Variants in RPL31 observed in about 807,000 individuals in gnomAD.
RPL31 encodes the protein ribosomal protein L31.
For missense variants in RPL31, 95 were observed against 164.0 expected, an observed-to-expected ratio of 0.58 and a Z score of 2.30; for synonymous variants, 51 against 55.0, an observed-to-expected ratio of 0.93 and a Z score of 0.32.
downstream of RPL31, chr2:101,010,921 G>A: frequency 6.3e-7 from 1 of 1,598,686 alleles, no homozygotes; most frequent in Non-Finnish European, 8.5e-7. Context: ...ACTGAAGAAA[G>A]TCCATACCTG....
chr2:101,010,896 A>AGTT (rs1473785342), downstream of RPL31: 6 of 1,562,888 alleles, frequency 3.8e-6, no homozygotes, highest in Admixed American at 5.4e-5. Context: ...AAAAAAAAAA[A>AGTT]AGTTAATTCT....
chr2:101,018,146 A>G lies in RPL31; in HGVS notation c.347-852A>G. The G allele has an allele frequency of 5.9e-6, 3 of 507,722 alleles. No homozygotes were observed. The South Asian group carries it at 9.3e-5, about 16-fold the overall frequency. The allele number at this position is 507,722 out of a possible 1,614,324, so 31.5% of individuals were successfully genotyped here. On this transcript the variant is annotated intron_variant, in intron 4 of 4. Transcript: ENST00000409028. ...TTTCAGAATAACAAAGCTTTCCCTC[A>G]TTCATACAGATATTGCTGTACTAAT...
intron 1 of RPL31, 82 bp downstream of exon 1, chr2:101,002,397 C>A: frequency 2.5e-6 from 1 of 395,286 alleles, no homozygotes; most frequent in Non-Finnish European, 4.7e-6. Context: ...ACCGCAAAAT[C>A]TCTCCCGAGC....
rs189925316 is a variant in RPL31 at position 101,002,417 on chromosome 2, G to A, written c.-1+102G>A. On this transcript the variant is annotated intron_variant, in intron 1 of 4. Transcript: ENST00000264258. ...AAAATCTCTCCCGAGCCAGCCCGGG[G>A]CTCCGGTTGTGGGGAGATGGGAATA... is the stretch of plus-strand genomic sequence containing the variant. The A allele has an allele frequency of 1.6e-5, 7 of 433,068 alleles. No individual in the cohort carries two copies. In the East Asian group the frequency reaches 1.7e-4, roughly 11 times the overall value. 26.8% of individuals were successfully genotyped at this position (433,068 alleles called of 1,614,324 possible). A position where few individuals can be genotyped will look rare whatever the true frequency, so the allele number is the denominator to read the frequency against.
chr2:101,014,197 GTTT>G lies in RPL31; in HGVS notation c.347-4791_347-4789del, dbSNP rs113766146. 1.4e-4 allele frequency among the ~76,000 whole-genome samples: 20 copies of G among 144,428 alleles called. 1 individual carries two copies. The highest frequency in any genetic ancestry group is 5.0e-4 in the African/African-American group (20 of 39,674). The allele number at this position is 144,428 out of a possible 152,430, so 94.8% of individuals were successfully genotyped here. On this transcript the variant is annotated intron_variant, in intron 4 of 4. Transcript: ENST00000409028. ...GAGGCAGTCTTTTAATTTCGCAAAA[GTTT>G]TTTTTTTTTCAAGGAAGTTTATATT...
intron 3 of RPL31, chr2:101,005,093 G>GCTCTTCTGTGGGTGGACATT (rs1678671344): frequency 6.6e-6 from 1 of 152,558 alleles, no homozygotes; most frequent in Non-Finnish European, 1.5e-5. Context: ...GGGTGCAGCA[G>GCTCTTCTGTGGGTGGACATT]GAGAGGTGTC....
chr2:101,007,466 G>A (rs527485596), downstream of RPL31, among the ~76,000 whole-genome samples: 26 of 152,326 alleles, frequency 1.7e-4, no homozygotes, highest in East Asian at 4.8e-3. Context: ...CACTCCAAGT[G>A]AAAAATGAAA....
intron 2 of RPL31, among the ~76,000 whole-genome samples, chr2:101,003,827 A>C (rs997143075): frequency 4.6e-5 from 7 of 152,192 alleles, no homozygotes; most frequent in African/African-American, 1.7e-4. Context: ...TAGTATTTTG[A>C]TTGAGGACTT....
downstream of RPL31, chr2:101,007,641 CAA>C (rs1280951056): frequency 4.6e-6 from 3 of 645,262 alleles, no homozygotes; most frequent in African/African-American, 5.5e-5. Context: ...TGACAATTCT[CAA>C]TACATAGAAA....
rs11551493 is a variant in RPL31, at chr2:101,002,752, C to T, written c.51C>T (p.Ile17=). The change falls in exon 2 of 5, where the codon ATC becomes ATT. Residue 17 remains isoleucine, a synonymous_variant. Coordinates refer to ENST00000264258, the MANE Select transcript of RPL31 (RefSeq NM_000993.5). ...GGEKKKGRSA[I]NEVVTREYTI... is the part of the protein sequence containing the mutation. ...AGAAGAAAAAGGGCCGTTCTGCCAT[C>T]AACGAAGTGGTAACCCGAGAATACA... The T allele has an allele frequency of 1.1e-5, 18 of 1,614,182 alleles. No individual in the cohort carries two copies. Among genetic ancestry groups the T allele is most frequent in the Non-Finnish European group, 1.5e-5 (18 of 1,180,022 alleles).
downstream of RPL31, chr2:101,011,136 A>G: frequency 1.9e-6 from 2 of 1,030,120 alleles, no homozygotes; most frequent in Non-Finnish European, 2.9e-6. Context: ...CCACTAAGCA[A>G]ATTCCATACA....
chr2:101,011,644 A>T (rs1263833100), downstream of RPL31: 9 of 1,211,892 alleles, frequency 7.4e-6, no homozygotes, highest in Admixed American at 1.9e-5. Flanking sequence ...AGCAGCTCCC[A>T]GCCTGTGGAC....
chr2:101,017,803 T>C, intron 4 of RPL31: 1 of 1,541,394 alleles, frequency 6.5e-7, no homozygotes, highest in African/African-American at 1.4e-5. Context: ...GACTTTTTAA[T>C]ATTAGTTTTC....
downstream of RPL31, chr2:101,008,152 C>CCCA: frequency 6.2e-7 from 1 of 1,613,834 alleles, no homozygotes; most frequent in Non-Finnish European, 8.5e-7. Flanking sequence ...GCCTCGCTGC[C>CCCA]CCACCTCCCC....
chr2:101,008,081 G>A (rs1355254529), downstream of RPL31: 4 of 1,613,838 alleles, frequency 2.5e-6, no homozygotes, highest in Middle Eastern at 1.6e-4. Flanking sequence ...GAGTCCTCAG[G>A]AGAAGGAGCT....
chr2:101,013,359 A>G (rs184482188), intron 4 of RPL31, among the ~76,000 whole-genome samples: 68 of 152,342 alleles, frequency 4.5e-4, no homozygotes, highest in African/African-American at 1.6e-3. Context: ...AATCCTTTCA[A>G]TCTTTTTACA....
intron 3 of RPL31, chr2:101,005,190 TAC>T (rs1384209009): frequency 6.6e-6 from 1 of 152,118 alleles, no homozygotes. Context: ...CCTAGAACAA[TAC>T]CCGGCATCGA....
rs796728758 is a variant in RPL31, at chr2:101,006,195, T to C, written c.346+124T>C. The C allele has an allele frequency of 7.3e-6, 11 of 1,507,642 alleles. No individual in the cohort carries two copies. The African/African-American group carries it at 1.5e-4, about 21-fold the overall frequency. The allele number at this position is 1,507,642 out of a possible 1,614,324, so 93.4% of individuals were successfully genotyped here. A position where few individuals can be genotyped will look rare whatever the true frequency, so the allele number is the denominator to read the frequency against. On this transcript the variant is annotated intron_variant, in intron 4 of 4. Coordinates refer to ENST00000264258, the MANE Select transcript of RPL31 (RefSeq NM_000993.5). The stretch of plus-strand genomic sequence containing the variant: ...CATTGTACCCTTTTTAAATTGTTGG[T>C]GTGGGAAGATGCTAAAGAATGCAAA...
At chr2:101,013,980 G>T (rs1679428645) in intron 4 of RPL31, among the ~76,000 whole-genome samples, 1 of 152,210 alleles carries the variant, frequency 6.6e-6, no homozygotes, top group Non-Finnish European at 1.5e-5. Context: ...TTCCAATACA[G>T]CCAAGTCATT....
Sources: gnomAD v4.1 joint callset for allele counts (sites outside exome capture counted in the v4.1 genomes callset) on GRCh38, gnomAD v4.1.1 for gene constraint, MANE v1.5 for transcripts, NCBI Gene and HGNC (gene_info 2026-07-23, HGNC 2026-07-21) for gene names.